The following CELF1 variants were observed in gnomAD, a reference collection of about 807,000 sequenced individuals.
CELF1 encodes the protein 50 kDa nuclear polyadenylated RNA-binding protein.
In CELF1, 10 loss-of-function variants were observed where a neutral mutation model predicts 61.8. The ratio of observed to expected loss-of-function variants is 0.16; its 90% confidence interval spans 0.10 to 0.27. The LOEUF is 0.27. Ranked by LOEUF, CELF1 falls within the 10% of genes least tolerant of loss-of-function variation. CELF1 has a pLI of 1.00. For synonymous variants in CELF1, 236 were observed against 225.1 expected, an observed-to-expected ratio of 1.05 and a Z score of -0.43; for missense variants, 380 against 639.1, an observed-to-expected ratio of 0.59 and a Z score of 4.37.
At chr11:47,541,019 C>T (rs892589646) in intron 1 of CELF1, among the ~76,000 whole-genome samples, 1 of 152,132 alleles carries the variant, frequency 6.6e-6, no homozygotes, top group African/African-American at 2.4e-5. Context: ...CAGAATTCAT[C>T]CAGGAAAGAA....
At chr11:47,558,149 G>A (rs954282184) in intron 2 of CELF1, among the ~76,000 whole-genome samples, 1 of 151,996 alleles carries the variant, frequency 6.6e-6, no homozygotes, top group African/African-American at 2.4e-5. Context: ...GAGCCACCGC[G>A]CATGGCCGGA....
chr11:47,510,496 GTT>G (rs1159814719), intron 1 of CELF1, among the ~76,000 whole-genome samples: 1 of 152,006 alleles, frequency 6.6e-6, no homozygotes, highest in Non-Finnish European at 1.5e-5. Flanking sequence ...AAGACTCACT[GTT>G]TTTTGTTTTT....
Position 47,504,902 on chromosome 11 carries a change from CAAAAAAA to C in CELF1, c.-153-3977_-153-3971del, listed in dbSNP as rs374401044. On this transcript the variant is annotated intron_variant, in intron 1 of 14. Coordinates refer to ENST00000687097, the MANE Select transcript of CELF1 (RefSeq NM_001376376.1). ...GGGCGATAGAGTGAGACTCTGTCAC[CAAAAAAA>C]AAAAAAAAAAAATTTCCATTTCAAA... Among the ~76,000 whole-genome samples the C allele has an allele frequency of 1.2e-3, 134 of 107,920 alleles. 1 individual carries two copies. The highest frequency in any genetic ancestry group is 4.8e-3 in the African/African-American group (133 of 27,968). 70.8% of individuals were successfully genotyped at this position (107,920 alleles called of 152,430 possible).
At chr11:47,479,433 T>C (rs2081788067) in intron 9 of CELF1, among the ~76,000 whole-genome samples, 1 of 152,208 alleles carries the variant, frequency 6.6e-6, no homozygotes. Context: ...AATCTAAACA[T>C]TTCATAGTAT....
At chr11:47,480,641 T>C (rs946224706) in intron 9 of CELF1, among the ~76,000 whole-genome samples, 1 of 152,210 alleles carries the variant, frequency 6.6e-6, no homozygotes, top group Non-Finnish European at 1.5e-5. Context: ...GCATAGCATG[T>C]AGACCATTTT....
intron 1 of CELF1, among the ~76,000 whole-genome samples, chr11:47,502,161 C>A (rs550275219): frequency 6.6e-6 from 1 of 152,218 alleles, no homozygotes; most frequent in Non-Finnish European, 1.5e-5. Context: ...ATTTATAAAG[C>A]AGTTGAAAAT....
intron 1 of CELF1, among the ~76,000 whole-genome samples, chr11:47,505,851 C>T (rs760256459): frequency 6.7e-6 from 1 of 149,372 alleles, no homozygotes; most frequent in Non-Finnish European, 1.5e-5. Flanking sequence ...ACGAGAATTG[C>T]CTGAACCCAG....
Position 47,483,494 on chromosome 11 carries a change from G to C in CELF1, c.565C>G (p.Gln189Glu). 1 of 1,614,088 alleles carries C rather than the reference G, an allele frequency of 6.2e-7. No homozygotes were observed. Among genetic ancestry groups the C allele is most frequent in the Middle Eastern group, 1.7e-4 (1 of 6,060 alleles). The change falls in exon 8 of 15, where the codon CAG becomes GAG. Residue 189 changes from glutamine (Q) to glutamate (E), a missense_variant. Transcript: ENST00000687097. ...FVTFTTRAMA[Q>E]TAIKAMHQAQ... Reference sequence around the variant, plus strand: ...TGGTGCATTGCCTTGATAGCCGTCTGTGCCATGGCTCTTGTTGTAAAAGTC... The same window carrying C: ...TGGTGCATTGCCTTGATAGCCGTCTCTGCCATGGCTCTTGTTGTAAAAGTC...
chr11:47,520,010 TA>T (rs11388505), intron 1 of CELF1, among the ~76,000 whole-genome samples: 1 of 147,938 alleles, frequency 6.8e-6, no homozygotes, highest in Non-Finnish European at 1.5e-5. Context: ...AACAAGCTCT[TA>T]AAAAAAAAAG....
At chr11:47,559,522 T>C (rs1338337637) in intron 2 of CELF1, among the ~76,000 whole-genome samples, 1 of 152,090 alleles carries the variant, frequency 6.6e-6, no homozygotes, top group African/African-American at 2.4e-5. Flanking sequence ...CATGCCCAGG[T>C]AATTTTTTAT....
chr11:47,542,743 G>A (rs1391651826), intron 1 of CELF1, among the ~76,000 whole-genome samples: 4 of 140,468 alleles, frequency 2.8e-5, no homozygotes, highest in Non-Finnish European at 4.4e-5. Flanking sequence ...CGTGATCCGC[G>A]TGTCTTGGCC....
At chr11:47,486,714 G>A in intron 6 of CELF1, 36 bp downstream of exon 6, 1 of 1,582,242 alleles carries the variant, frequency 6.3e-7, no homozygotes, top group Non-Finnish European at 8.7e-7. Context: ...GGCCTAGGCA[G>A]AAATCTTAAG....
Position 47,477,289 on chromosome 11 carries a change from A to G in CELF1, c.973+8T>C. ...CATAATGGCACACTGGGTCATCCTC[A>G]TGCTTACCTGAACTAGTGAGCACGC... On this transcript the variant is annotated splice_region_variant and intron_variant, in intron 11 of 14. Coordinates refer to ENST00000687097, the MANE Select transcript of CELF1 (RefSeq NM_001376376.1). 6.2e-7 allele frequency: 1 copy of G among 1,613,834 alleles called. No individual in the cohort carries two copies. The highest frequency in any genetic ancestry group is 8.5e-7 in the Non-Finnish European group (1 of 1,179,814).
At chr11:47,478,759 G>T in intron 10 of CELF1, 118 bp downstream of exon 10, 1 of 777,802 alleles carries the variant, frequency 1.3e-6, no homozygotes. Context: ...CCTAGGTCAG[G>T]TTTACATAAT....
intron 1 of CELF1, among the ~76,000 whole-genome samples, chr11:47,549,706 T>C (rs1598608654): frequency 6.6e-6 from 1 of 152,026 alleles, no homozygotes; most frequent in South Asian, 2.1e-4. Flanking sequence ...AGGCATAGAG[T>C]TTCAGATACG....
Position 47,470,317 on chromosome 11 carries a change from T to C in CELF1, c.*1913A>G, listed in dbSNP as rs12797909. 1 of 152,052 alleles carries C rather than the reference T, an allele frequency of 6.6e-6. No individual in the cohort carries two copies. Among genetic ancestry groups the C allele is most frequent in the East Asian group, 1.9e-4 (1 of 5,192 alleles). 9.4% of individuals were successfully genotyped at this position (152,052 alleles called of 1,614,324 possible). ...TTTTTTTGTTTTCTTTTTTCTTTTT[T>C]ATTTTTATTTTTTGCATTTATTTAA... On this transcript the variant is annotated 3_prime_UTR_variant, in exon 15 of 15. Coordinates refer to ENST00000687097, the MANE Select transcript of CELF1 (RefSeq NM_001376376.1).
In CELF1 at chr11:47,471,177, A is replaced by G. The variant is rs1260273257; in HGVS notation, c.*1053T>C. 3.3e-5 allele frequency: 5 copies of G among 152,142 alleles called. No homozygotes were observed. The highest frequency in any genetic ancestry group is 7.3e-5 in the Non-Finnish European group (5 of 68,034). The allele number at this position is 152,142 out of a possible 1,614,324, so 9.4% of individuals were successfully genotyped here. A position where few individuals can be genotyped will look rare whatever the true frequency, so the allele number is the denominator to read the frequency against. ...CCTTCTGATTCAAGTACACCAAGAA[A>G]TAAGCTCCTCCTCCCCCAACTAGAT... On this transcript the variant is annotated 3_prime_UTR_variant, in exon 15 of 15. Coordinates refer to ENST00000687097, the MANE Select transcript of CELF1 (RefSeq NM_001376376.1).
intron 2 of CELF1, among the ~76,000 whole-genome samples, chr11:47,558,559 T>TGC (rs1491555154): frequency 2.2e-4 from 26 of 115,724 alleles, no homozygotes; most frequent in African/African-American, 7.9e-4. Context: ...TATATATATT[T>TGC]ATATATAATA....
At chr11:47,546,264 C>T (rs1180088792) in intron 1 of CELF1, among the ~76,000 whole-genome samples, 1 of 24,150 alleles carries the variant, frequency 4.1e-5, no homozygotes, top group Non-Finnish European at 8.3e-5. Flanking sequence ...GGGCGGGGGC[C>T]GGGGGCGGGG....
Sources: allele counts gnomAD v4.1 joint callset (sites outside exome capture counted in the v4.1 genomes callset), GRCh38; gene constraint gnomAD v4.1.1; transcripts MANE v1.5; gene names NCBI Gene and HGNC (gene_info 2026-07-23, HGNC 2026-07-21).